TSEN15: variants seen among roughly 807,000 people sequenced by gnomAD.
The protein encoded by TSEN15 is tRNA splicing endonuclease subunit 15.
A neutral mutation model predicts 20.5 loss-of-function variants in TSEN15; 10 were observed. That is an observed-to-expected ratio of 0.49 (90% CI 0.30 to 0.83). The LOEUF is 0.83. Ranked by LOEUF, TSEN15 falls within the 40% of genes least tolerant of loss-of-function variation. TSEN15 has a pLI of 0.06. For missense variants in TSEN15, 180 were observed against 218.6 expected, an observed-to-expected ratio of 0.82 and a Z score of 1.11; for synonymous variants, 72 against 80.1, an observed-to-expected ratio of 0.90 and a Z score of 0.54.
intron 3 of TSEN15, among the ~76,000 whole-genome samples, chr1:184,066,709 A>G (rs542679005): frequency 1.3e-5 from 2 of 152,094 alleles, no homozygotes; most frequent in East Asian, 3.9e-4. Context: ...CCCGGCTTGT[A>G]ATAGGCCTTA....
At chr1:184,093,561 T>G (rs1228156384) in intron 3 of TSEN15, 1 of 152,214 alleles carries the variant, frequency 6.6e-6, no homozygotes, top group African/African-American at 2.4e-5. Flanking sequence ...ATTATTTTTT[T>G]GTAGGTAGGT....
At chr1:184,072,403 A>G in intron 4 of TSEN15, 105 bp downstream of exon 4, 1 of 1,075,066 alleles carries the variant, frequency 9.3e-7, no homozygotes, top group Non-Finnish European at 1.3e-6. Flanking sequence ...TTCCTTTGCC[A>G]TAGGGAAAAT....
At chr1:184,087,440 A>C (rs1188775626) in intron 3 of TSEN15, among the ~76,000 whole-genome samples, 3 of 152,210 alleles carry the variant, frequency 2.0e-5, no homozygotes, top group African/African-American at 4.8e-5. Flanking sequence ...GAAGCTAAGA[A>C]TAGGTCACCA....
At chr1:184,068,001 C>T (rs1423572062) in intron 3 of TSEN15, among the ~76,000 whole-genome samples, 1 of 143,078 alleles carries the variant, frequency 7.0e-6, no homozygotes, top group Non-Finnish European at 1.5e-5. Flanking sequence ...CAAAATCCAT[C>T]CACTTGCAGG....
downstream of TSEN15, among the ~76,000 whole-genome samples, chr1:184,074,392 T>C (rs116324635): frequency 6.3e-3 from 952 of 152,266 alleles, 15 homozygotes; most frequent in African/African-American, 0.022. Context: ...TCCAGTCTCA[T>C]CTGAGACTTG....
chr1:184,052,003 C>T, intron 1 of TSEN15, 113 bp downstream of exon 1: 2 of 1,153,184 alleles, frequency 1.7e-6, no homozygotes, highest in Admixed American at 3.8e-5. Flanking sequence ...CGCGCGCCAC[C>T]CTCACCGAGG....
At chr1:184,053,524 G>A (rs1408792495) in intron 1 of TSEN15, among the ~76,000 whole-genome samples, 1 of 152,182 alleles carries the variant, frequency 6.6e-6, no homozygotes, top group Non-Finnish European at 1.5e-5. Flanking sequence ...AACCTGTACA[G>A]TTACAGTGAA....
At chr1:184,053,792 C>T (rs1232383197) in intron 1 of TSEN15, among the ~76,000 whole-genome samples, 1 of 152,104 alleles carries the variant, frequency 6.6e-6, no homozygotes, top group Non-Finnish European at 1.5e-5. Context: ...GAGGCTAGGA[C>T]TGATACTCTA....
At chr1:184,075,053 CAGAA>C (rs1651029912), downstream of TSEN15, among the ~76,000 whole-genome samples, 1 of 152,070 alleles carries the variant, frequency 6.6e-6, no homozygotes, top group Non-Finnish European at 1.5e-5. Context: ...ATAGCATTTT[CAGAA>C]AGAAGTGTAA....
intron 3 of TSEN15, among the ~76,000 whole-genome samples, chr1:184,091,073 C>T (rs1364283914): frequency 2.0e-5 from 3 of 152,154 alleles, no homozygotes; most frequent in Admixed American, 1.3e-4. Context: ...TTTACGGAAA[C>T]GTCATCCTCT....
intron 3 of TSEN15, among the ~76,000 whole-genome samples, chr1:184,087,314 A>C (rs995504318): frequency 2.6e-5 from 4 of 152,192 alleles, no homozygotes; most frequent in African/African-American, 9.7e-5. Context: ...TCTTTTTACT[A>C]TCTCTTTGAA....
chr1:184,058,351 A>G (rs1414674204), intron 3 of TSEN15: 2 of 209,482 alleles, frequency 9.5e-6, no homozygotes, highest in Non-Finnish European at 9.8e-6. Context: ...ACTAATATAG[A>G]ATGTAGCACA....
intron 3 of TSEN15, among the ~76,000 whole-genome samples, chr1:184,063,482 A>G (rs1392117434): frequency 6.6e-6 from 1 of 152,206 alleles, no homozygotes; most frequent in Non-Finnish European, 1.5e-5. Context: ...CAAAGTTAGG[A>G]TTCCTAGCCT....
chr1:184,052,218 A>G (rs1650082492), intron 1 of TSEN15, among the ~76,000 whole-genome samples: 1 of 152,226 alleles, frequency 6.6e-6, no homozygotes, highest in African/African-American at 2.4e-5. Context: ...AAATTTATTT[A>G]ATCCTCACGG....
At chr1:184,067,913 A>ACT (rs1294075479) in intron 3 of TSEN15, among the ~76,000 whole-genome samples, 83 of 117,370 alleles carry the variant, frequency 7.1e-4, no homozygotes, top group African/African-American at 2.7e-3. Flanking sequence ...ACAGAGCGAG[A>ACT]CTCTCTCTCT....
At chr1:184,055,138 C>T (rs1650200911) in intron 3 of TSEN15, 1 of 274,624 alleles carries the variant, frequency 3.6e-6, no homozygotes, top group East Asian at 6.8e-5. Flanking sequence ...GTGCTGGCAT[C>T]TACTCGGCTT....
intron 3 of TSEN15, among the ~76,000 whole-genome samples, chr1:184,060,709 A>ATATTTTCTCCC (rs1361163562): frequency 6.6e-6 from 1 of 152,224 alleles, no homozygotes; most frequent in African/African-American, 2.4e-5. Context: ...CTGAGGTTAA[A>ATATTTTCTCCC]AGTATATTTT....
chr1:184,070,771 C>G (rs1361084749), intron 3 of TSEN15: 2 of 677,522 alleles, frequency 3.0e-6, no homozygotes, highest in Non-Finnish European at 2.0e-6. Flanking sequence ...GTTGCTTTAT[C>G]AGAATATCTT....
chr1:184,092,371 G>T (rs566613713), intron 3 of TSEN15, among the ~76,000 whole-genome samples: 1 of 152,240 alleles, frequency 6.6e-6, no homozygotes, highest in East Asian at 1.9e-4. Flanking sequence ...TAGGAAATAA[G>T]TAGGGACTGT....
Sources: allele counts gnomAD v4.1 joint callset (sites outside exome capture counted in the v4.1 genomes callset), GRCh38; gene constraint gnomAD v4.1.1; transcripts MANE v1.5; gene names NCBI Gene and HGNC (gene_info 2026-07-23, HGNC 2026-07-21).